The following MTHFD1L variants were observed in gnomAD, a reference collection of about 807,000 sequenced individuals.
MTHFD1L encodes methylenetetrahydrofolate dehydrogenase (NADP+ dependent) 1 like, also known as monofunctional C1-tetrahydrofolate synthase, mitochondrial.
A neutral mutation model predicts 119.5 loss-of-function variants in MTHFD1L; 81 were observed. That is an observed-to-expected ratio of 0.68 (90% CI 0.57 to 0.82). The LOEUF is 0.82. Ranked by LOEUF, MTHFD1L falls within the 40% of genes least tolerant of loss-of-function variation. The probability of loss-of-function intolerance (pLI) is 0.00; values close to 1 mark genes in which losing one functional copy is unlikely to be tolerated. For missense variants in MTHFD1L, 1,125 were observed against 1,253.4 expected, an observed-to-expected ratio of 0.90 and a Z score of 1.55; for synonymous variants, 430 against 475.2, an observed-to-expected ratio of 0.90 and a Z score of 1.24.
At chr6:150,940,473 A>G (rs1343012847) in intron 13 of MTHFD1L, among the ~76,000 whole-genome samples, 3 of 152,202 alleles carry the variant, frequency 2.0e-5, no homozygotes, top group Non-Finnish European at 4.4e-5. Flanking sequence ...TACAAGGGGC[A>G]TACACAGGGG....
intron 20 of MTHFD1L, among the ~76,000 whole-genome samples, chr6:151,002,727 G>A (rs896908088): frequency 2.0e-5 from 3 of 152,218 alleles, no homozygotes; most frequent in Non-Finnish European, 4.4e-5. Flanking sequence ...GGGTTACAAC[G>A]ATTAGCATAA....
chr6:150,981,461 C>T (rs9478885), intron 20 of MTHFD1L, among the ~76,000 whole-genome samples: 28,985 of 152,198 alleles, frequency 0.19, 2,881 homozygotes, highest in Middle Eastern at 0.29. Context: ...CCTCATTGCA[C>T]ATTAGAATCA....
At chr6:150,931,269 T>A (rs1207935172) in intron 11 of MTHFD1L, among the ~76,000 whole-genome samples, 2 of 51,178 alleles carry the variant, frequency 3.9e-5, no homozygotes, top group Non-Finnish European at 3.5e-5. Flanking sequence ...TCATTTCATC[T>A]TTTTTTTTTT....
chr6:150,950,469 G>A (rs143305150), intron 16 of MTHFD1L, among the ~76,000 whole-genome samples: 3 of 152,316 alleles, frequency 2.0e-5, no homozygotes, highest in East Asian at 3.9e-4. Flanking sequence ...GAGACTGAGC[G>A]TTGGCTCTGC....
At chr6:151,054,828 T>A (rs1219565848) in intron 26 of MTHFD1L, 1 of 152,188 alleles carries the variant, frequency 6.6e-6, no homozygotes, top group Non-Finnish European at 1.5e-5. Context: ...ATTACGTGTT[T>A]AAAATGTTTA....
chr6:151,050,051 T>G (rs1405841003), intron 26 of MTHFD1L, among the ~76,000 whole-genome samples: 1 of 152,200 alleles, frequency 6.6e-6, no homozygotes, highest in African/African-American at 2.4e-5. Flanking sequence ...TAGCCAGACA[T>G]GTGGAGCTTC....
Position 151,073,957 on chromosome 6 carries a change from C to T in MTHFD1L, c.2848-18510C>T, listed in dbSNP as rs529981849. On this transcript the variant is annotated intron_variant, in intron 26 of 27. Coordinates refer to ENST00000367321, the MANE Select transcript of MTHFD1L (RefSeq NM_015440.5). Reference sequence around the variant, plus strand: ...ATTTGATAGAAACTATAAACTCATACATTCAAAAAAATGAGAACATTTTAA... The same window carrying T: ...ATTTGATAGAAACTATAAACTCATATATTCAAAAAAATGAGAACATTTTAA... 3.3e-5 allele frequency among the ~76,000 whole-genome samples: 5 copies of T among 152,118 alleles called. No homozygotes were observed. The East Asian group carries it at 9.6e-4, about 29-fold the overall frequency.
intron 24 of MTHFD1L, among the ~76,000 whole-genome samples, chr6:151,029,020 G>A (rs183367628): frequency 4.6e-5 from 7 of 152,222 alleles, no homozygotes; most frequent in Admixed American, 1.3e-4. Context: ...GCAGTGAGCC[G>A]TGATCACATC....
chr6:150,935,322 C>T, intron 11 of MTHFD1L: 1 of 1,612,642 alleles, frequency 6.2e-7, no homozygotes, highest in Non-Finnish European at 8.5e-7. Context: ...CACAAAATAA[C>T]TAGGATATCA....
intron 19 of MTHFD1L, among the ~76,000 whole-genome samples, chr6:150,965,246 T>G (rs1797017727): frequency 6.6e-6 from 1 of 152,108 alleles, no homozygotes. Context: ...ACTGGGTAAT[T>G]TATGAAGAAG....
intron 8 of MTHFD1L, among the ~76,000 whole-genome samples, chr6:150,916,737 C>CTTTTTTTTTTTTTTTTTTTTT (rs57961829): frequency 1.4e-5 from 1 of 72,114 alleles, no homozygotes; most frequent in African/African-American, 4.4e-5. Flanking sequence ...GATTCTATCC[C>CTTTTTTTTTTTTTTTTTTTTT]TTTTTTTTTT....
At chr6:151,026,477 A>G (rs1328486626) in intron 24 of MTHFD1L, among the ~76,000 whole-genome samples, 15 of 152,198 alleles carry the variant, frequency 9.9e-5, no homozygotes. Context: ...CACACGATAC[A>G]TCTTCCATTG....
At chr6:151,047,405 AT>A (rs1788262178) in intron 26 of MTHFD1L, among the ~76,000 whole-genome samples, 1 of 152,260 alleles carries the variant, frequency 6.6e-6, no homozygotes, top group South Asian at 2.1e-4. Context: ...GGGAGCAAGT[AT>A]AAAGTAGGTG....
At chr6:150,938,606 G>A in intron 12 of MTHFD1L, 93 bp from the exon 13 acceptor site, 6 of 1,364,100 alleles carry the variant, frequency 4.4e-6, no homozygotes, top group Non-Finnish European at 5.1e-6. Flanking sequence ...ACGCCTCTCT[G>A]TTGGGTTTGG....
intron 27 of MTHFD1L, among the ~76,000 whole-genome samples, chr6:151,101,167 A>T (rs997415821): frequency 6.6e-6 from 1 of 151,180 alleles, no homozygotes; most frequent in African/African-American, 2.4e-5. Context: ...TCAAAAAATT[A>T]AAAAAAAATT....
Position 151,039,506 on chromosome 6 carries a change from A to G in MTHFD1L, c.2847+2389A>G, listed in dbSNP as rs1786715410. Among the ~76,000 whole-genome samples, 1 of 152,190 alleles carries G rather than the reference A, an allele frequency of 6.6e-6. No homozygotes were observed. Among genetic ancestry groups the G allele is most frequent in the South Asian group, 2.1e-4 (1 of 4,834 alleles). On this transcript the variant is annotated intron_variant, in intron 26 of 27. Transcript: ENST00000367321. The surrounding 1 kb of genome is among the most constrained non-coding windows in gnomAD (Gnocchi z 4.4). ...TGGGCTCAAGCAATCCTCCCACCTCAGCTTCCCAAGTAGCTGTGACTACAG... is the reference window on the plus strand; with the variant it reads ...TGGGCTCAAGCAATCCTCCCACCTCGGCTTCCCAAGTAGCTGTGACTACAG...
intron 27 of MTHFD1L, chr6:151,099,994 T>A: frequency 1.2e-5 from 9 of 747,102 alleles, no homozygotes; most frequent in South Asian, 3.1e-5. Flanking sequence ...GGCATCTTCC[T>A]TTAAAAAAAA....
chr6:151,022,099 G>A lies in MTHFD1L; in HGVS notation c.2586+6406G>A, dbSNP rs374869626. 446 of 470,414 alleles carry A rather than the reference G, an allele frequency of 9.5e-4. 7 individuals carry two copies. Among genetic ancestry groups the A allele is most frequent in the South Asian group, 6.3e-3 (409 of 64,490 alleles). 29.1% of individuals were successfully genotyped at this position (470,414 alleles called of 1,614,324 possible). On this transcript the variant is annotated intron_variant, in intron 24 of 27. Transcript: ENST00000367321. The stretch of plus-strand genomic sequence containing the variant: ...CAAACCACGAAGACAGCCTGGAGCC[G>A]CAGCCAGCTCTGCTGACTTCTGAAC...
intron 20 of MTHFD1L, among the ~76,000 whole-genome samples, chr6:150,981,135 A>G (rs1490790811): frequency 6.6e-6 from 1 of 152,214 alleles, no homozygotes; most frequent in Non-Finnish European, 1.5e-5. Context: ...ACCATATGTT[A>G]TGAATGAGAT....
Sources: gnomAD v4.1 joint callset for allele counts (sites outside exome capture counted in the v4.1 genomes callset) on GRCh38, gnomAD v4.1.1 for gene constraint, Gnocchi (gnomAD v3.1) non-coding constraint, MANE v1.5 for transcripts, NCBI Gene and HGNC (gene_info 2026-07-23, HGNC 2026-07-21) for gene names.